The following SENP8 variants were observed in gnomAD, a reference collection of about 807,000 sequenced individuals.
SENP8 encodes the protein SUMO peptidase family member, NEDD8 specific.
A neutral mutation model predicts 14.4 loss-of-function variants in SENP8; 10 were observed. The ratio of observed to expected loss-of-function variants is 0.69; its 90% CI spans 0.43 to 1.18. The LOEUF (loss-of-function observed/expected upper bound fraction) is 1.18, where lower values mean the gene tolerates loss of function less well. Among genes scored for constraint, SENP8 ranks in the 50% most tolerant of loss-of-function variants. SENP8 has a pLI of 0.00. For missense variants in SENP8, 202 were observed against 249.4 expected, an observed-to-expected ratio of 0.81 and a Z score of 1.28; for synonymous variants, 94 against 95.5, an observed-to-expected ratio of 0.98 and a Z score of 0.09.
chr15:72,133,315 A>G (rs2081293683), intron 1 of SENP8, among the ~76,000 whole-genome samples: 1 of 152,242 alleles, frequency 6.6e-6, no homozygotes. Context: ...ATAAATTTCA[A>G]ACTCCTTCAC....
intron 1 of SENP8, among the ~76,000 whole-genome samples, chr15:72,129,090 CTG>C (rs1478816994): frequency 6.6e-6 from 1 of 152,172 alleles, no homozygotes; most frequent in Non-Finnish European, 1.5e-5. Flanking sequence ...TTGAGAATTG[CTG>C]TATGCCATAT....
At chr15:72,119,474 C>T (rs1176264297) in intron 1 of SENP8, among the ~76,000 whole-genome samples, 2 of 152,094 alleles carry the variant, frequency 1.3e-5, no homozygotes, top group Admixed American at 6.5e-5. Flanking sequence ...TTTAGCCGGG[C>T]GCGGTGGCTC....
upstream of SENP8, chr15:72,118,199 T>C (rs2081078824): frequency 1.4e-5 from 5 of 353,776 alleles, no homozygotes; most frequent in South Asian, 1.6e-4. Flanking sequence ...CCCCGCCCTG[T>C]CCCGCCCCCG....
In SENP8 at chr15:72,142,580, AAG is replaced by A. The variant is rs1338153876; in HGVS notation, c.*2319_*2320del. ...CAGATATCCTGTTGTATTGCCCGGT[AAG>A]TATAGTCACACTTGTCCAACCCGTG... is the stretch of plus-strand genomic sequence containing the variant. On this transcript the variant is annotated 3_prime_UTR_variant, in exon 2 of 2. Coordinates refer to ENST00000340912, the MANE Select transcript of SENP8 (RefSeq NM_145204.4). The A allele has an allele frequency of 6.6e-6, 1 of 152,226 alleles. No homozygotes were observed. The highest frequency in any genetic ancestry group is 6.5e-5 in the Admixed American group (1 of 15,290). The allele number at this position is 152,226 out of a possible 1,614,324, so 9.4% of individuals were successfully genotyped here.
At chr15:72,134,010 G>A (rs574853468) in intron 1 of SENP8, among the ~76,000 whole-genome samples, 61 of 152,104 alleles carry the variant, frequency 4.0e-4, no homozygotes, top group Non-Finnish European at 6.6e-4. Flanking sequence ...GTGCAGTGGC[G>A]CTATCTAGAC....
In SENP8 at chr15:72,135,073, T is replaced by G. The variant is rs143494375; in HGVS notation, c.-47-4504T>G. On this transcript the variant is annotated intron_variant, in intron 1 of 1. Coordinates refer to ENST00000340912, the MANE Select transcript of SENP8 (RefSeq NM_145204.4). ...CACACTTTTTTGTTTGTTTTTTGTT[T>G]GTTTTTGAGACAGAGTCTGGCTCTG... The G allele has an allele frequency of 7.2e-4, 206 of 284,488 alleles. 4 individuals are homozygous for G. The East Asian group carries it at 0.024, about 33-fold the overall frequency. The allele number at this position is 284,488 out of a possible 1,614,324, so 17.6% of individuals were successfully genotyped here.
chr15:72,130,463 T>C (rs2081262128), intron 1 of SENP8, among the ~76,000 whole-genome samples: 1 of 150,986 alleles, frequency 6.6e-6, no homozygotes, highest in East Asian at 1.9e-4. Flanking sequence ...CTTAGTCCAA[T>C]AAAACTTTAT....
At chr15:72,130,587 G>C (rs928846818) in intron 1 of SENP8, among the ~76,000 whole-genome samples, 15 of 111,160 alleles carry the variant, frequency 1.3e-4, no homozygotes, top group Non-Finnish European at 2.3e-4. Context: ...TTTTGAGACA[G>C]AGTTTCGCCC....
chr15:72,136,289 T>G (rs2140521235), intron 1 of SENP8, among the ~76,000 whole-genome samples: 1 of 152,334 alleles, frequency 6.6e-6, no homozygotes, highest in East Asian at 1.9e-4. Flanking sequence ...AATTGCTTTG[T>G]TTTTGTCTTA....
chr15:72,131,450 T>G (rs1483567247), intron 1 of SENP8, among the ~76,000 whole-genome samples: 1 of 152,230 alleles, frequency 6.6e-6, no homozygotes, highest in African/African-American at 2.4e-5. Context: ...GCCATCAGAA[T>G]GACTCCTATT....
chr15:72,130,003 T>TG (rs1054972611), intron 1 of SENP8, among the ~76,000 whole-genome samples: 1 of 151,898 alleles, frequency 6.6e-6, no homozygotes, highest in African/African-American at 2.4e-5. Flanking sequence ...CTGGCCAACA[T>TG]GGTGAAACCC....
In SENP8 at chr15:72,132,738, C is replaced by T. The variant is rs554536449; in HGVS notation, c.-47-6839C>T. Among the ~76,000 whole-genome samples the T allele has an allele frequency of 1.6e-3, 241 of 151,700 alleles. 2 individuals are homozygous for T. Among genetic ancestry groups the T allele is most frequent in the African/African-American group, 5.7e-3 (235 of 41,322 alleles). On this transcript the variant is annotated intron_variant, in intron 1 of 1. Transcript: ENST00000340912. Reference sequence around the variant, plus strand: ...TGGCGAGGTCTCGGCTCATTGCAACCTCTGCCTCCCGTTTTATCTACCCTC... The same window carrying T: ...TGGCGAGGTCTCGGCTCATTGCAACTTCTGCCTCCCGTTTTATCTACCCTC...
intron 1 of SENP8, chr15:72,135,052 C>A: frequency 3.1e-6 from 1 of 319,224 alleles, no homozygotes; most frequent in Non-Finnish European, 6.3e-6. Context: ...GAGAAGCACA[C>A]TTTTTTGTTT....
At chr15:72,115,598 G>A (rs2080942722), upstream of SENP8, among the ~76,000 whole-genome samples, 1 of 152,096 alleles carries the variant, frequency 6.6e-6, no homozygotes, top group African/African-American at 2.4e-5. Context: ...AATATTCCTG[G>A]CCTTTAGTCT....
chr15:72,117,848 C>T (rs555293836), upstream of SENP8: 137 of 398,628 alleles, frequency 3.4e-4, 1 homozygote, highest in African/African-American at 2.7e-3. Context: ...GGCGAGCGGC[C>T]GCGGCGCATC....
At chr15:72,135,005 C>A in intron 1 of SENP8, 1 of 324,728 alleles carries the variant, frequency 3.1e-6, no homozygotes, top group Non-Finnish European at 6.0e-6. Context: ...GAGAAAAGAG[C>A]CTGGGTTCAC....
chr15:72,120,803 T>G (rs2081161057), intron 1 of SENP8, among the ~76,000 whole-genome samples: 1 of 152,248 alleles, frequency 6.6e-6, no homozygotes, highest in Non-Finnish European at 1.5e-5. Context: ...AACTTTAATG[T>G]GATGTGAAAA....
At chr15:72,117,540 T>G, upstream of SENP8, 1 of 349,690 alleles carries the variant, frequency 2.9e-6, no homozygotes, top group Non-Finnish European at 5.1e-6. Context: ...TGATCTGGTG[T>G]TTGGGAGGCT....
intron 1 of SENP8, among the ~76,000 whole-genome samples, chr15:72,138,691 G>A (rs978292862): frequency 1.1e-4 from 17 of 151,036 alleles, no homozygotes; most frequent in African/African-American, 1.2e-4. Context: ...CGCCAGGTGC[G>A]GTGGCTCACG....
Sources: allele counts gnomAD v4.1 joint callset (sites outside exome capture counted in the v4.1 genomes callset), GRCh38; gene constraint gnomAD v4.1.1; transcripts MANE v1.5; gene names NCBI Gene and HGNC (gene_info 2026-07-23, HGNC 2026-07-21).